The following GFRA2 variants were observed in gnomAD, a reference collection of about 807,000 sequenced individuals.
GFRA2 encodes GDNF family receptor alpha 2.
Under a neutral mutation model 48.3 loss-of-function variants are expected in GFRA2, and 17 were observed. The ratio of observed to expected loss-of-function variants is 0.35; its 90% confidence interval spans 0.24 to 0.53. The LOEUF is 0.53. Ranked by LOEUF, GFRA2 falls within the 20% of genes least tolerant of loss-of-function variation. GFRA2 has a pLI of 0.93. For missense variants in GFRA2, 660 were observed against 637.3 expected (o/e 1.04, Z -0.38); for synonymous variants, 305 against 257.2 (o/e 1.19, Z -1.78).
chr8:21,787,877 G>A (rs1197347559), intron 1 of GFRA2, among the ~76,000 whole-genome samples: 2 of 152,240 alleles, frequency 1.3e-5, no homozygotes, highest in Admixed American at 1.3e-4. Context: ...CAGTGTCTGC[G>A]GGGCTGGTTC....
chr8:21,781,999 G>C lies in GFRA2; in HGVS notation c.355+586C>G, dbSNP rs1349333701. Among the ~76,000 whole-genome samples, 9 of 152,296 alleles carry C rather than the reference G, an allele frequency of 5.9e-5. No individual in the cohort carries two copies. In the East Asian group the frequency reaches 1.7e-3, roughly 29 times the overall value. On this transcript the variant is annotated intron_variant, in intron 2 of 8. Coordinates refer to ENST00000524240, the MANE Select transcript of GFRA2 (RefSeq NM_001495.5). ...CAGCCATGGGGTCCAGAAGCCACAT[G>C]AAGGGCTGGTGTCCTGGAAGCAGGG...
At chr8:21,758,905 C>CAT (rs1296811982) in intron 3 of GFRA2, among the ~76,000 whole-genome samples, 1 of 152,110 alleles carries the variant, frequency 6.6e-6, no homozygotes, top group Non-Finnish European at 1.5e-5. Context: ...CACACACACA[C>CAT]GAAGACACCC....
In GFRA2 at chr8:21,782,785, T is replaced by G; in HGVS notation, c.155A>C (p.Asn52Thr). 6.3e-7 allele frequency: 1 copy of G among 1,588,524 alleles called. No individual in the cohort carries two copies. The highest frequency in any genetic ancestry group is 1.7e-4 in the Middle Eastern group (1 of 6,042). Residue 52 changes from asparagine to threonine, a missense_variant, in exon 2 of 9, where the codon AAC (asparagine) becomes ACC (threonine). Physicochemically the swap from Asn to Thr is moderately conservative, Grantham distance 65. Coordinates refer to ENST00000524240, the MANE Select transcript of GFRA2 (RefSeq NM_001495.5). ...CAGAGTGCGGTAGCGAGAGCTGCAG[T>G]TGGATTCGGCGGCACACAGCTCATT... is the stretch of plus-strand genomic sequence containing the variant. ...RANELCAAES[N>T]CSSRYRTLRQ...
intron 4 of GFRA2, among the ~76,000 whole-genome samples, chr8:21,748,655 C>T (rs1194909919): frequency 1.3e-5 from 2 of 152,226 alleles, no homozygotes; most frequent in African/African-American, 4.8e-5. Context: ...TTCTCTGTAA[C>T]TTGCCAGATG....
intron 4 of GFRA2, among the ~76,000 whole-genome samples, chr8:21,729,888 A>G (rs1179433237): frequency 6.6e-6 from 1 of 152,188 alleles, no homozygotes; most frequent in Non-Finnish European, 1.5e-5. Flanking sequence ...GGGCCTAAGA[A>G]GCCCAAATAC....
rs909090799 is a variant in GFRA2, at chr8:21,802,074, A to C, written c.-36+2943T>G. 1.5e-3 allele frequency among the ~76,000 whole-genome samples: 222 copies of C among 152,326 alleles called. 1 individual carries two copies. The highest frequency in any genetic ancestry group is 5.2e-3 in the African/African-American group (217 of 41,572). On this transcript the variant is annotated intron_variant, in intron 2 of 10. Transcript: ENST00000517328. ...GTGGGACTCCTGACTGGCAGTTTGC[A>C]GATTGGAAATGCAAAAGGAACCAGA...
chr8:21,790,890 A>G (rs368386216), upstream of GFRA2, among the ~76,000 whole-genome samples: 1 of 152,162 alleles, frequency 6.6e-6, no homozygotes, highest in Admixed American at 6.5e-5. Flanking sequence ...ATAAAACTTG[A>G]CAGGAATTAC....
chr8:21,699,290 G>A (rs1397215465), intron 7 of GFRA2, among the ~76,000 whole-genome samples: 2 of 152,234 alleles, frequency 1.3e-5, no homozygotes, highest in African/African-American at 4.8e-5. Flanking sequence ...AGGAGAGAGA[G>A]GTGGCCGCTG....
At chr8:21,808,246 T>C (rs1230401718) in intron 1 of GFRA2, among the ~76,000 whole-genome samples, 2 of 152,224 alleles carry the variant, frequency 1.3e-5, no homozygotes, top group East Asian at 1.9e-4. Flanking sequence ...GTGGAATATT[T>C]AAGGCAAACC....
intron 3 of GFRA2, among the ~76,000 whole-genome samples, chr8:21,754,878 G>A (rs1478236794): frequency 1.3e-5 from 2 of 152,092 alleles, no homozygotes; most frequent in African/African-American, 4.8e-5. Context: ...AAAGAGGGGA[G>A]GGTACATCCA....
intron 3 of GFRA2, among the ~76,000 whole-genome samples, chr8:21,753,502 C>T (rs1019770656): frequency 2.6e-5 from 4 of 152,020 alleles, no homozygotes; most frequent in Admixed American, 6.5e-5. Flanking sequence ...CCCAGCTACA[C>T]GGGAGACTGA....
intron 3 of GFRA2, among the ~76,000 whole-genome samples, chr8:21,774,207 G>C (rs1806578045): frequency 6.6e-6 from 1 of 151,272 alleles, no homozygotes; most frequent in Admixed American, 6.6e-5. Context: ...GCCCAGGCAG[G>C]GTGGGCTGCC....
chr8:21,787,329 CT>C (rs1807333133), intron 1 of GFRA2, among the ~76,000 whole-genome samples: 1 of 152,016 alleles, frequency 6.6e-6, no homozygotes, highest in East Asian at 1.9e-4. Context: ...TTTTTCCTCC[CT>C]CGCCTCCCAC....
chr8:21,700,150 C>G (rs971738014), intron 7 of GFRA2, among the ~76,000 whole-genome samples: 1 of 152,184 alleles, frequency 6.6e-6, no homozygotes, highest in African/African-American at 2.4e-5. Flanking sequence ...GTAGCTCACC[C>G]ATCCTGCAGG....
intron 6 of GFRA2, among the ~76,000 whole-genome samples, chr8:21,703,781 C>T (rs1178268101): frequency 1.3e-5 from 2 of 152,196 alleles, no homozygotes; most frequent in Admixed American, 1.3e-4. Flanking sequence ...TGTTCCCCTC[C>T]CACTGCTCTG....
intron 4 of GFRA2, among the ~76,000 whole-genome samples, chr8:21,709,945 C>T (rs777259511): frequency 3.3e-5 from 5 of 152,152 alleles, no homozygotes; most frequent in African/African-American, 4.8e-5. Context: ...ATTTCCCTGA[C>T]GGGCCACAAG....
At chr8:21,791,932 G>T (rs1193430426), upstream of GFRA2, among the ~76,000 whole-genome samples, 1 of 152,184 alleles carries the variant, frequency 6.6e-6, no homozygotes, top group Non-Finnish European at 1.5e-5. Context: ...CAAGCCCTAG[G>T]CTCACCAACA....
intron 4 of GFRA2, among the ~76,000 whole-genome samples, chr8:21,734,352 C>T (rs939207284): frequency 6.6e-6 from 1 of 152,240 alleles, no homozygotes; most frequent in African/African-American, 2.4e-5. Flanking sequence ...CCACTCTGCC[C>T]CTGCTGCCTT....
intron 8 of GFRA2, among the ~76,000 whole-genome samples, chr8:21,694,071 TTA>T (rs1209283949): frequency 1.4e-5 from 1 of 71,050 alleles, no homozygotes; most frequent in Non-Finnish European, 3.1e-5. Context: ...ATATATTTAT[TTA>T]TTTTTATATA....
Sources: gnomAD v4.1 joint callset for allele counts (sites outside exome capture counted in the v4.1 genomes callset) on GRCh38, gnomAD v4.1.1 for gene constraint, MANE v1.5 for transcripts, NCBI Gene and HGNC (gene_info 2026-07-23, HGNC 2026-07-21) for gene names.